Variants in L3MBTL4 observed in about 807,000 individuals in gnomAD.
The protein encoded by L3MBTL4 is L3MBTL histone methyl-lysine binding protein 4, also known as lethal(3)malignant brain tumor-like protein 4.
A neutral mutation model predicts 84.5 loss-of-function variants in L3MBTL4; 70 were observed. The ratio of observed to expected loss-of-function variants is 0.83; its 90% CI spans 0.68 to 1.01. The LOEUF (loss-of-function observed/expected upper bound fraction) is 1.01, where lower values mean the gene tolerates loss of function less well. Among genes scored for constraint, L3MBTL4 ranks in the 50% least tolerant of loss-of-function variants. The pLI is 0.00. For missense variants in L3MBTL4, 715 were observed against 754.8 expected (o/e 0.95, Z 0.62); for synonymous variants, 274 against 259.8 (o/e 1.05, Z -0.52).
chr18:6,205,061 G>T (rs73383994), intron 12 of L3MBTL4, among the ~76,000 whole-genome samples: 8,365 of 152,196 alleles, frequency 0.055, 739 homozygotes, highest in African/African-American at 0.19. Flanking sequence ...AATAGGTCCC[G>T]TAACATGGCA....
At chr18:6,073,521 T>C (rs1240642627) in intron 16 of L3MBTL4, among the ~76,000 whole-genome samples, 1 of 152,140 alleles carries the variant, frequency 6.6e-6, no homozygotes, top group Non-Finnish European at 1.5e-5. Context: ...CTCTTGGTGA[T>C]AATGGAGAAA....
chr18:6,074,764 T>C (rs1035601339), intron 16 of L3MBTL4, among the ~76,000 whole-genome samples: 2 of 152,164 alleles, frequency 1.3e-5, no homozygotes, highest in Admixed American at 1.3e-4. Flanking sequence ...GGTACATAGA[T>C]GTTTGTTTTG....
intron 16 of L3MBTL4, among the ~76,000 whole-genome samples, chr18:6,069,936 G>A (rs954734986): frequency 3.9e-5 from 6 of 152,030 alleles, no homozygotes; most frequent in African/African-American, 9.7e-5. Context: ...TTAATTACAT[G>A]AGTGTAATAG....
chr18:6,239,206 T>C (rs916620276), intron 9 of L3MBTL4, among the ~76,000 whole-genome samples: 1 of 151,094 alleles, frequency 6.6e-6, no homozygotes, highest in Non-Finnish European at 1.5e-5. Context: ...CCGGGCGTAG[T>C]GGCGGGCGCC....
At chr18:6,271,150 G>C (rs2048850243) in intron 4 of L3MBTL4, among the ~76,000 whole-genome samples, 1 of 152,160 alleles carries the variant, frequency 6.6e-6, no homozygotes, top group Non-Finnish European at 1.5e-5. Flanking sequence ...TTTTGTTTTT[G>C]TTTGGTTTTC....
intron 16 of L3MBTL4, among the ~76,000 whole-genome samples, chr18:6,008,981 T>C (rs2054612229): frequency 6.6e-6 from 1 of 152,194 alleles, no homozygotes; most frequent in Non-Finnish European, 1.5e-5. Context: ...AATTACTTAT[T>C]GTCCAGCTAT....
intron 17 of L3MBTL4, among the ~76,000 whole-genome samples, chr18:5,964,532 A>G (rs780667058): frequency 6.6e-6 from 1 of 151,844 alleles, no homozygotes; most frequent in Admixed American, 6.5e-5. Flanking sequence ...TAAGGGCCCA[A>G]TTGTATAAGG....
chr18:5,969,580 TG>T lies in L3MBTL4; in HGVS notation c.1445-19del. On this transcript the variant is annotated intron_variant, in intron 16 of 18. Transcript: ENST00000317931. ...CGAGTATTCTGTAAGAGAGGTGGGG[TG>T]GGGTGAGGCTCAGGCTCCCAGAGAG... 6.3e-7 allele frequency: 1 copy of T among 1,575,838 alleles called. No homozygotes were observed.
chr18:6,014,516 AAGTGAAGTC>A (rs199926266), intron 16 of L3MBTL4, among the ~76,000 whole-genome samples: 7,365 of 152,238 alleles, frequency 0.048, 431 homozygotes, highest in Admixed American at 0.16. Context: ...GCTGCAGGGT[AAGTGAAGTC>A]TGCACTGGCA....
At chr18:6,045,184 C>T (rs558929472) in intron 16 of L3MBTL4, among the ~76,000 whole-genome samples, 10 of 152,256 alleles carry the variant, frequency 6.6e-5, no homozygotes, top group South Asian at 4.2e-4. Context: ...AACAGCAGAC[C>T]GTTCAGCAGA....
At chr18:6,370,760 T>A (rs2054128183) in intron 1 of L3MBTL4, among the ~76,000 whole-genome samples, 1 of 152,116 alleles carries the variant, frequency 6.6e-6, no homozygotes, top group Non-Finnish European at 1.5e-5. Context: ...CTGTCCCCAG[T>A]TGACAGGGAC....
At chr18:6,388,561 G>A (rs1376621536) in intron 1 of L3MBTL4, among the ~76,000 whole-genome samples, 1 of 152,150 alleles carries the variant, frequency 6.6e-6, no homozygotes, top group Non-Finnish European at 1.5e-5. Flanking sequence ...TGCTGGTACG[G>A]ATAAAGAGGA....
At chr18:6,169,985 GAGA>G (rs2043885626) in intron 13 of L3MBTL4, among the ~76,000 whole-genome samples, 1 of 152,098 alleles carries the variant, frequency 6.6e-6, no homozygotes, top group Non-Finnish European at 1.5e-5. Flanking sequence ...TATTTCCTGA[GAGA>G]AGATTTAATT....
At chr18:6,113,094 G>T (rs2059243664) in intron 14 of L3MBTL4, among the ~76,000 whole-genome samples, 1 of 152,050 alleles carries the variant, frequency 6.6e-6, no homozygotes, top group Non-Finnish European at 1.5e-5. Context: ...AATCCAATTT[G>T]TTTGTATACT....
At chr18:6,301,662 G>A (rs1436645814) in intron 4 of L3MBTL4, among the ~76,000 whole-genome samples, 1 of 152,052 alleles carries the variant, frequency 6.6e-6, no homozygotes, top group Non-Finnish European at 1.5e-5. Flanking sequence ...TTTATTTAAA[G>A]CCTTTTTAAA....
intron 1 of L3MBTL4, among the ~76,000 whole-genome samples, chr18:6,351,614 T>C (rs11872684): frequency 0.27 from 41,588 of 151,732 alleles, 7,398 homozygotes; most frequent in African/African-American, 0.51. Context: ...TGCAGTGGCG[T>C]GATCTCGGCT....
At chr18:5,989,656 T>C (rs1281251660) in intron 16 of L3MBTL4, among the ~76,000 whole-genome samples, 3 of 152,206 alleles carry the variant, frequency 2.0e-5, no homozygotes, top group Non-Finnish European at 4.4e-5. Flanking sequence ...GGCAGATCAC[T>C]TGGGAATCTT....
chr18:6,062,129 T>C (rs2057242739), intron 16 of L3MBTL4, among the ~76,000 whole-genome samples: 1 of 152,052 alleles, frequency 6.6e-6, no homozygotes, highest in Non-Finnish European at 1.5e-5. Context: ...TCCTTCTCTC[T>C]GGAAAACTTA....
chr18:6,030,743 C>T lies in L3MBTL4; in HGVS notation c.1444+50138G>A, dbSNP rs995874471. ...TGCTATCTCCATTTCTCTCTACTCCCTATTTCGTTAATTTTCTAAGATTTT... is the reference window on the plus strand; with the variant it reads ...TGCTATCTCCATTTCTCTCTACTCCTTATTTCGTTAATTTTCTAAGATTTT... On this transcript the variant is annotated intron_variant, in intron 16 of 18. Coordinates refer to ENST00000317931, the MANE Select transcript of L3MBTL4 (RefSeq NM_001330559.2). 1.6e-5 allele frequency: 16 copies of T among 977,430 alleles called. No homozygotes were observed. The Admixed American group carries it at 4.9e-4, about 30-fold the overall frequency. The allele number at this position is 977,430 out of a possible 1,614,324, so 60.5% of individuals were successfully genotyped here.
Sources: allele counts gnomAD v4.1 joint callset (sites outside exome capture counted in the v4.1 genomes callset), GRCh38; gene constraint gnomAD v4.1.1; transcripts MANE v1.5; gene names NCBI Gene and HGNC (gene_info 2026-07-23, HGNC 2026-07-21).